Variants in BRINP3 observed in about 807,000 individuals in gnomAD.
The protein encoded by BRINP3 is BMP/retinoic acid inducible neural specific 3, also known as BMP/retinoic acid-inducible neural-specific protein 3.
In BRINP3, 19 loss-of-function variants were observed where a neutral mutation model predicts 71.0. The observed-to-expected ratio is 0.27, with a 90% CI of 0.19 to 0.39. BRINP3 has a LOEUF of 0.39. Among genes scored for constraint, BRINP3 ranks in the 10% least tolerant of loss-of-function variants. The pLI, the probability that BRINP3 is intolerant of heterozygous loss-of-function variation, is 1.00. For missense variants in BRINP3, 959 were observed against 940.8 expected (o/e 1.02, Z -0.25); for synonymous variants, 380 against 337.7 (o/e 1.13, Z -1.37).
At chr1:190,391,530 C>A (rs1671250308) in intron 2 of BRINP3, among the ~76,000 whole-genome samples, 1 of 151,622 alleles carries the variant, frequency 6.6e-6, no homozygotes, top group Admixed American at 6.6e-5. Flanking sequence ...ATAAAACAAA[C>A]AAAAATTATA....
intron 7 of BRINP3, among the ~76,000 whole-genome samples, chr1:190,120,661 ATTT>A (rs35320516): frequency 7.1e-6 from 1 of 141,716 alleles, no homozygotes; most frequent in African/African-American, 2.6e-5. Context: ...CGCCCGGCTA[ATTT>A]TTTTTTTTTT....
intron 6 of BRINP3, among the ~76,000 whole-genome samples, chr1:190,192,700 T>A (rs1282199857): frequency 6.6e-6 from 1 of 151,144 alleles, no homozygotes; most frequent in African/African-American, 2.4e-5. Context: ...AGCAGTGTAT[T>A]TTCTAGATGC....
chr1:190,106,732 T>C (rs919499206), intron 7 of BRINP3, among the ~76,000 whole-genome samples: 3 of 151,728 alleles, frequency 2.0e-5, no homozygotes, highest in Non-Finnish European at 4.4e-5. Context: ...TAATACTTTT[T>C]TCTTACTACC....
At chr1:190,475,546 A>T (rs1356966121) in intron 1 of BRINP3, among the ~76,000 whole-genome samples, 1 of 152,144 alleles carries the variant, frequency 6.6e-6, no homozygotes, top group Non-Finnish European at 1.5e-5. Context: ...CGCATGGGTT[A>T]TTCCCACATC....
intron 2 of BRINP3, among the ~76,000 whole-genome samples, chr1:190,435,642 A>T (rs1674410345): frequency 6.6e-6 from 1 of 152,006 alleles, no homozygotes; most frequent in Non-Finnish European, 1.5e-5. Context: ...AATGACATCT[A>T]ATTCTTACTG....
intron 4 of BRINP3, among the ~76,000 whole-genome samples, chr1:190,255,073 T>C (rs12144735): frequency 0.57 from 86,180 of 151,620 alleles, 24,735 homozygotes; most frequent in Admixed American, 0.68. Context: ...TGATGGATTA[T>C]GGTTATTGAT....
intron 2 of BRINP3, among the ~76,000 whole-genome samples, chr1:190,446,703 C>G (rs978158697): frequency 2.6e-5 from 4 of 152,052 alleles, no homozygotes; most frequent in African/African-American, 9.7e-5. Context: ...CTACAGACAT[C>G]TAGTTCAGCC....
At chr1:190,273,857 A>C (rs192468913) in intron 3 of BRINP3, among the ~76,000 whole-genome samples, 52 of 151,784 alleles carry the variant, frequency 3.4e-4, no homozygotes, top group Admixed American at 1.3e-3. Context: ...TAAATCAACA[A>C]TGATAATGTG....
chr1:190,338,028 G>C (rs1010931285), intron 2 of BRINP3, among the ~76,000 whole-genome samples: 1 of 151,988 alleles, frequency 6.6e-6, no homozygotes, highest in African/African-American at 2.4e-5. Context: ...TTGAAGTGTA[G>C]TTATTCCATT....
At chr1:190,404,484 G>C (rs1454371064) in intron 2 of BRINP3, among the ~76,000 whole-genome samples, 1 of 152,068 alleles carries the variant, frequency 6.6e-6, no homozygotes, top group Non-Finnish European at 1.5e-5. Context: ...TGTTTACTTT[G>C]CTTAAAGATG....
chr1:190,315,875 T>C (rs1351700711), intron 2 of BRINP3, among the ~76,000 whole-genome samples: 2 of 152,178 alleles, frequency 1.3e-5, no homozygotes, highest in Non-Finnish European at 2.9e-5. Context: ...TCCTCTTTTT[T>C]CTAAACACAC....
At chr1:190,208,731 T>C (rs1006220477) in intron 6 of BRINP3, among the ~76,000 whole-genome samples, 20 of 151,892 alleles carry the variant, frequency 1.3e-4, no homozygotes, top group African/African-American at 1.2e-4. Context: ...CTGGACTCAA[T>C]TGATCTGACC....
chr1:190,286,312 A>T (rs1663421826), intron 2 of BRINP3, among the ~76,000 whole-genome samples: 1 of 152,164 alleles, frequency 6.6e-6, no homozygotes, highest in Admixed American at 6.6e-5. Flanking sequence ...GAATGACATC[A>T]TCAAATTTCA....
At chr1:190,341,718 G>GA (rs976188604) in intron 2 of BRINP3, among the ~76,000 whole-genome samples, 6 of 151,306 alleles carry the variant, frequency 4.0e-5, no homozygotes, top group African/African-American at 1.2e-4. Context: ...TTCCATAGTT[G>GA]AAAAAAAATT....
chr1:190,271,830 C>T (rs1246853794), intron 3 of BRINP3, among the ~76,000 whole-genome samples: 1 of 151,492 alleles, frequency 6.6e-6, no homozygotes, highest in Non-Finnish European at 1.5e-5. Context: ...CCCAAAATAG[C>T]TGGAGCACAT....
intron 1 of BRINP3, among the ~76,000 whole-genome samples, chr1:190,457,295 T>C (rs1265645136): frequency 6.6e-6 from 1 of 151,912 alleles, no homozygotes; most frequent in East Asian, 1.9e-4. Flanking sequence ...TATACAAAAA[T>C]TAGCCAGGCA....
intron 7 of BRINP3, among the ~76,000 whole-genome samples, chr1:190,155,055 A>T (rs1656748006): frequency 6.6e-6 from 1 of 152,120 alleles, no homozygotes; most frequent in African/African-American, 2.4e-5. Context: ...GGCTTTTCTC[A>T]TGAGTCCAAT....
intron 2 of BRINP3, among the ~76,000 whole-genome samples, chr1:190,321,921 A>C (rs960972425): frequency 6.6e-6 from 1 of 152,062 alleles, no homozygotes; most frequent in Non-Finnish European, 1.5e-5. Flanking sequence ...CATGCAAGAA[A>C]AAGTATAAGC....
intron 2 of BRINP3, among the ~76,000 whole-genome samples, chr1:190,374,464 G>A (rs1273300089): frequency 6.6e-6 from 1 of 152,066 alleles, no homozygotes; most frequent in African/African-American, 2.4e-5. Context: ...TTCGTCAAAA[G>A]AGAAATTAGA....
Sources: gnomAD v4.1 joint callset for allele counts (sites outside exome capture counted in the v4.1 genomes callset) on GRCh38, gnomAD v4.1.1 for gene constraint, MANE v1.5 for transcripts, NCBI Gene and HGNC (gene_info 2026-07-23, HGNC 2026-07-21) for gene names.